OR4K2: variants seen among roughly 807,000 people sequenced by gnomAD.
The protein encoded by OR4K2 is olfactory receptor family 4 subfamily K member 2, also known as olfactory receptor 4K2.
In OR4K2, 8 loss-of-function variants were observed where a neutral mutation model predicts 10.5. The observed-to-expected ratio is 0.76, with a 90% CI of 0.45 to 1.37. OR4K2 has a LOEUF of 1.37. Ranked by LOEUF, OR4K2 falls within the 40% of genes most tolerant of loss-of-function variation. The pLI is 0.00. For missense variants in OR4K2, 547 were observed against 379.5 expected (o/e 1.44, Z -3.67); for synonymous variants, 178 against 133.6 (o/e 1.33, Z -2.29).
rs1013911118 is a variant in OR4K2 at position 19,878,424 on chromosome 14, A to G, written c.*1212A>G. The G allele has an allele frequency of 6.6e-6, 1 of 152,238 alleles. No individual in the cohort carries two copies. The highest frequency in any genetic ancestry group is 2.4e-5 in the African/African-American group (1 of 41,468). 9.4% of individuals were successfully genotyped at this position (152,238 alleles called of 1,614,324 possible). On this transcript the variant is annotated 3_prime_UTR_variant, in exon 2 of 2. Coordinates refer to ENST00000641885, the MANE Select transcript of OR4K2 (RefSeq NM_001005501.2). ...TCCACAAAGGGAAAGATATGTTGCA[A>G]CCACAGTATTTGATAATATCAAGTT... is the stretch of plus-strand genomic sequence containing the variant.
In OR4K2 at chr14:19,880,339, T is replaced by C. The variant is rs1012948245; in HGVS notation, c.*3127T>C. On this transcript the variant is annotated 3_prime_UTR_variant, in exon 2 of 2. Coordinates refer to ENST00000641885, the MANE Select transcript of OR4K2 (RefSeq NM_001005501.2). ...TCTTAGCCTCAGTTTCTACATATGTTAAAGGAGATAATAGTGGTCTCTACA... is the reference window on the plus strand; with the variant it reads ...TCTTAGCCTCAGTTTCTACATATGTCAAAGGAGATAATAGTGGTCTCTACA... 6.6e-6 allele frequency: 1 copy of C among 152,246 alleles called. No individual in the cohort carries two copies. Among genetic ancestry groups the C allele is most frequent in the Non-Finnish European group, 1.5e-5 (1 of 68,030 alleles). The allele number at this position is 152,246 out of a possible 1,614,324, so 9.4% of individuals were successfully genotyped here.
At position 19,882,243 on chromosome 14, in the gene OR4K2, T is replaced by C. The variant is rs1881055849; in HGVS notation, c.*5031T>C. Reference sequence around the variant, plus strand: ...TCATCTTGCTCACCAGCGGCAATTATATCAGTAGATCCCTCTGCCTCACTT... The same window carrying C: ...TCATCTTGCTCACCAGCGGCAATTACATCAGTAGATCCCTCTGCCTCACTT... On this transcript the variant is annotated 3_prime_UTR_variant, in exon 2 of 2. Transcript: ENST00000641885. 6.6e-6 allele frequency: 1 copy of C among 152,430 alleles called. No individual in the cohort carries two copies. The highest frequency in any genetic ancestry group is 1.5e-5 in the Non-Finnish European group (1 of 68,144). 9.4% of individuals were successfully genotyped at this position (152,430 alleles called of 1,614,324 possible). A position where few individuals can be genotyped will look rare whatever the true frequency, so the allele number is the denominator to read the frequency against.
At position 19,880,509 on chromosome 14, in the gene OR4K2, C is replaced by T. The variant is rs1050756761; in HGVS notation, c.*3297C>T. 17 of 152,200 alleles carry T rather than the reference C, an allele frequency of 1.1e-4. No individual in the cohort carries two copies. The highest frequency in any genetic ancestry group is 4.1e-4 in the African/African-American group (17 of 41,442). 9.4% of individuals were successfully genotyped at this position (152,200 alleles called of 1,614,324 possible). On this transcript the variant is annotated 3_prime_UTR_variant, in exon 2 of 2. Coordinates refer to ENST00000641885, the MANE Select transcript of OR4K2 (RefSeq NM_001005501.2). ...GATAGTCTCTTGAGCTAACACTTGACTTGTTTAATTTAAAAGGTAAATTTT... is the reference window on the plus strand; with the variant it reads ...GATAGTCTCTTGAGCTAACACTTGATTTGTTTAATTTAAAAGGTAAATTTT...
rs1260328075 is a variant in OR4K2, at chr14:19,877,259, T to C, written c.*47T>C. The C allele has an allele frequency of 2.3e-6, 3 of 1,326,618 alleles. No individual in the cohort carries two copies. Among genetic ancestry groups the C allele is most frequent in the Middle Eastern group, 1.9e-4 (1 of 5,236 alleles). The allele number at this position is 1,326,618 out of a possible 1,614,324, so 82.2% of individuals were successfully genotyped here. On this transcript the variant is annotated 3_prime_UTR_variant, in exon 2 of 2. Coordinates refer to ENST00000641885, the MANE Select transcript of OR4K2 (RefSeq NM_001005501.2). ...GACACAATGCTGTGTTAGGCTTTTC[T>C]TTCTAGAGGGTTCTTACCAAATTGT...
Position 19,875,144 on chromosome 14 carries a change from C to T in OR4K2, c.-1014C>T, listed in dbSNP as rs1396480318. 6.6e-6 allele frequency: 1 copy of T among 152,244 alleles called. No homozygotes were observed. The highest frequency in any genetic ancestry group is 1.5e-5 in the Non-Finnish European group (1 of 68,038). 9.4% of individuals were successfully genotyped at this position (152,244 alleles called of 1,614,324 possible). A position where few individuals can be genotyped will look rare whatever the true frequency, so the allele number is the denominator to read the frequency against. ...GTGATTTCTTGTTCAATTCCCATGT[C>T]CCTACAACATCCATTTTATCCACAG... On this transcript the variant is annotated 5_prime_UTR_variant, in exon 1 of 2. Coordinates refer to ENST00000641885, the MANE Select transcript of OR4K2 (RefSeq NM_001005501.2).
Position 19,881,011 on chromosome 14 carries a change from T to C in OR4K2, c.*3799T>C, listed in dbSNP as rs1168636884. 7.8e-6 allele frequency: 1 copy of C among 128,392 alleles called. No individual in the cohort carries two copies. Among genetic ancestry groups the C allele is most frequent in the South Asian group, 2.5e-4 (1 of 4,010 alleles). The allele number at this position is 128,392 out of a possible 1,614,324, so 8.0% of individuals were successfully genotyped here. A position where few individuals can be genotyped will look rare whatever the true frequency, so the allele number is the denominator to read the frequency against. ...GTTATTTGTGCATATCCAGACTCCT[T>C]ATGAAAGTATTTTCAAATTTAAAAA... On this transcript the variant is annotated 3_prime_UTR_variant, in exon 2 of 2. Transcript: ENST00000641885.
Position 19,876,811 on chromosome 14 carries a change from C to T in OR4K2, c.544C>T (p.Pro182Ser), listed in dbSNP as rs1166907277. 1 of 1,614,214 alleles carries T rather than the reference C, an allele frequency of 6.2e-7. No individual in the cohort carries two copies. The highest frequency in any genetic ancestry group is 2.2e-5 in the East Asian group (1 of 44,888). The change falls in exon 2 of 2, where the codon CCT becomes TCT. Residue 182 changes from proline to serine, a missense_variant. Coordinates refer to ENST00000641885, the MANE Select transcript of OR4K2 (RefSeq NM_001005501.2). ...YEVDSFFCDL[P>S]VVFQLACVDT... ...GGTAGACAGCTTTTTCTGTGACCTT[C>T]CTGTGGTGTTCCAGTTGGCTTGTGT...
Position 19,879,962 on chromosome 14 carries a change from A to C in OR4K2, c.*2750A>C, listed in dbSNP as rs1880998040. The C allele has an allele frequency of 6.6e-6, 1 of 152,266 alleles. No individual in the cohort carries two copies. The highest frequency in any genetic ancestry group is 2.4e-5 in the African/African-American group (1 of 41,464). 9.4% of individuals were successfully genotyped at this position (152,266 alleles called of 1,614,324 possible). ...TATAAGCTTTAAGCCTAGCTTGTCCAACCCATGACCTGCAGGTTGCATGCG... is the reference window on the plus strand; with the variant it reads ...TATAAGCTTTAAGCCTAGCTTGTCCCACCCATGACCTGCAGGTTGCATGCG... On this transcript the variant is annotated 3_prime_UTR_variant, in exon 2 of 2. Coordinates refer to ENST00000641885, the MANE Select transcript of OR4K2 (RefSeq NM_001005501.2).
At position 19,877,055 on chromosome 14, in the gene OR4K2, G is replaced by C. The variant is rs753660738; in HGVS notation, c.788G>C (p.Ser263Thr). 2 of 1,612,790 alleles carry C rather than the reference G, an allele frequency of 1.2e-6. No homozygotes were observed. Among genetic ancestry groups the C allele is most frequent in the Admixed American group, 3.3e-5 (2 of 60,012 alleles). The change falls in exon 2 of 2, where the codon AGC (serine) becomes ACC (threonine). Residue 263 changes from serine to threonine, a missense_variant. Transcript: ENST00000641885. Reference sequence around the variant, plus strand: ...ATCTTCATCTACATGTGGCCACTAAGCAGCTTTCTCACAGACAAGATTCTG... The same window carrying C: ...ATCTTCATCTACATGTGGCCACTAACCAGCTTTCTCACAGACAAGATTCTG... Reference protein sequence around the residue: ...PCIFIYMWPLSSFLTDKILSV... With the variant: ...PCIFIYMWPLTSFLTDKILSV...
rs997720747 is a variant in OR4K2 at position 19,878,489 on chromosome 14, T to A, written c.*1277T>A. On this transcript the variant is annotated 3_prime_UTR_variant, in exon 2 of 2. Transcript: ENST00000641885. Reference sequence around the variant, plus strand: ...TGATTGAGTAAATGGAGAAAACAAATGAAATGCATTAATTATCATTTATGA... The same window carrying A: ...TGATTGAGTAAATGGAGAAAACAAAAGAAATGCATTAATTATCATTTATGA... 1 of 152,200 alleles carries A rather than the reference T, an allele frequency of 6.6e-6. No individual in the cohort carries two copies. The highest frequency in any genetic ancestry group is 2.4e-5 in the African/African-American group (1 of 41,466). 9.4% of individuals were successfully genotyped at this position (152,200 alleles called of 1,614,324 possible).
In OR4K2 at chr14:19,877,009, T is replaced by G; in HGVS notation, c.742T>G (p.Phe248Val). The G allele has an allele frequency of 6.2e-7, 1 of 1,613,314 alleles. No homozygotes were observed. The highest frequency in any genetic ancestry group is 8.5e-7 in the Non-Finnish European group (1 of 1,179,938). Residue 248 changes from phenylalanine (F) to valine (V), a missense_variant, in exon 2 of 2, where the codon TTC becomes GTC. Physicochemically the swap from Phe to Val is conservative, Grantham distance 50. Transcript: ENST00000641885. Reference protein sequence around the residue: ...STCTAHFIVVFLFFGPCIFIY... With the variant: ...STCTAHFIVVVLFFGPCIFIY... ...TTGTACAGCTCATTTCATTGTTGTCTTCTTGTTCTTTGGGCCATGCATCTT... is the reference window on the plus strand; with the variant it reads ...TTGTACAGCTCATTTCATTGTTGTCGTCTTGTTCTTTGGGCCATGCATCTT...
chr14:19,876,756 C>T lies in OR4K2; in HGVS notation c.489C>T (p.Ala163=). 6 of 1,614,180 alleles carry T rather than the reference C, an allele frequency of 3.7e-6. No individual in the cohort carries two copies. Among genetic ancestry groups the T allele is most frequent in the Non-Finnish European group, 5.1e-6 (6 of 1,180,000 alleles). ...ATTCAATGAGTCAGGTCATATTTGCCCTCACGTTACCATTCTGTGGTCCCT... is the reference window on the plus strand; with the variant it reads ...ATTCAATGAGTCAGGTCATATTTGCTCTCACGTTACCATTCTGTGGTCCCT... ...VMHSMSQVIF[A]LTLPFCGPYE... Residue 163 remains alanine (A), a synonymous_variant, in exon 2 of 2, where the codon GCC becomes GCT. Coordinates refer to ENST00000641885, the MANE Select transcript of OR4K2 (RefSeq NM_001005501.2).
At position 19,877,404 on chromosome 14, in the gene OR4K2, A is replaced by G; in HGVS notation, c.*192A>G. 1 of 507,618 alleles carries G rather than the reference A, an allele frequency of 2.0e-6. No individual in the cohort carries two copies. The highest frequency in any genetic ancestry group is 3.5e-6 in the Non-Finnish European group (1 of 288,724). 31.4% of individuals were successfully genotyped at this position (507,618 alleles called of 1,614,324 possible). Reference sequence around the variant, plus strand: ...AAGCAAGTTAAAAGAAATAAAGACTATAAAAATGTCAGGAGTGACAGTTCC... The same window carrying G: ...AAGCAAGTTAAAAGAAATAAAGACTGTAAAAATGTCAGGAGTGACAGTTCC... On this transcript the variant is annotated 3_prime_UTR_variant, in exon 2 of 2. Transcript: ENST00000641885.
chr14:19,877,289 G>T lies in OR4K2; in HGVS notation c.*77G>T, dbSNP rs1880934504. The T allele has an allele frequency of 3.8e-6, 4 of 1,054,120 alleles. No individual in the cohort carries two copies. In the South Asian group the frequency reaches 6.3e-5, roughly 17 times the overall value. The allele number at this position is 1,054,120 out of a possible 1,614,324, so 65.3% of individuals were successfully genotyped here. On this transcript the variant is annotated 3_prime_UTR_variant, in exon 2 of 2. Coordinates refer to ENST00000641885, the MANE Select transcript of OR4K2 (RefSeq NM_001005501.2). ...AGAGGGTTCTTACCAAATTGTAATT[G>T]CCAAGAATTTGTGAGGGCTCAAGTT...
chr14:19,880,051 G>T lies in OR4K2; in HGVS notation c.*2839G>T, dbSNP rs1881000018. 1 of 152,468 alleles carries T rather than the reference G, an allele frequency of 6.6e-6. No homozygotes were observed. Among genetic ancestry groups the T allele is most frequent in the African/African-American group, 2.4e-5 (1 of 41,448 alleles). 9.4% of individuals were successfully genotyped at this position (152,468 alleles called of 1,614,324 possible). ...CATAAGCTTTCTTGAAACATTATAA[G>T]ATTTTCTTGTGATTTTTTTGTAAAG... On this transcript the variant is annotated 3_prime_UTR_variant, in exon 2 of 2. Transcript: ENST00000641885.
Position 19,879,764 on chromosome 14 carries a change from A to G in OR4K2, c.*2552A>G, listed in dbSNP as rs889990153. The G allele has an allele frequency of 3.3e-5, 5 of 152,222 alleles. No individual in the cohort carries two copies. The highest frequency in any genetic ancestry group is 4.8e-5 in the African/African-American group (2 of 41,454). 9.4% of individuals were successfully genotyped at this position (152,222 alleles called of 1,614,324 possible). On this transcript the variant is annotated 3_prime_UTR_variant, in exon 2 of 2. Coordinates refer to ENST00000641885, the MANE Select transcript of OR4K2 (RefSeq NM_001005501.2). ...TTTGTTTCTAAAAATGCTTAAGAAA[A>G]CTTTTAGAATACTATATGGTATAAT...
In OR4K2 at chr14:19,876,214, C is replaced by CTTTTTTTTTTTTTTTTTTTTTTTTTT; in HGVS notation, c.-23-11_-23-10insTTTTTTTTTTTTTTTTTTTTTTTTTT. 3.5e-6 allele frequency: 2 copies of CTTTTTTTTTTTTTTTTTTTTTTTTTT among 575,012 alleles called. 1 individual carries two copies. The allele number at this position is 575,012 out of a possible 1,614,324, so 35.6% of individuals were successfully genotyped here. Reference sequence around the variant, plus strand: ...TTTGCTTCTATTGAATCTGACTTTCCTTTTTTTTTTTTTTTTTTTTCGTGA... The same window carrying CTTTTTTTTTTTTTTTTTTTTTTTTTT: ...TTTGCTTCTATTGAATCTGACTTTCCTTTTTTTTTTTTTTTTTTTTTTTTTTTTTTTTTTTTTTTTTTTTTTCGTGA... On this transcript the variant is annotated intron_variant, in intron 1 of 1. Coordinates refer to ENST00000641885, the MANE Select transcript of OR4K2 (RefSeq NM_001005501.2).
Position 19,877,103 on chromosome 14 carries a change from C to T in OR4K2, c.836C>T (p.Thr279Ile). Residue 279 changes from threonine to isoleucine, a missense_variant, in exon 2 of 2, where the codon ACT (threonine) becomes ATT (isoleucine). Physicochemically the swap from Thr to Ile is moderately conservative, Grantham distance 89. Transcript: ENST00000641885. ...CTGTCTGTGTTTTATACCATCTTTA[C>T]TCCCACTCTGAACCCAATAATCTAT... ...KILSVFYTIF[T>I]PTLNPIIYTL... The T allele has an allele frequency of 6.2e-7, 1 of 1,608,640 alleles. No individual in the cohort carries two copies. The highest frequency in any genetic ancestry group is 8.5e-7 in the Non-Finnish European group (1 of 1,179,812).
At position 19,875,946 on chromosome 14, in the gene OR4K2, A is replaced by C. The variant is rs890052064; in HGVS notation, c.-212A>C. On this transcript the variant is annotated 5_prime_UTR_variant, in exon 1 of 2. Coordinates refer to ENST00000641885, the MANE Select transcript of OR4K2 (RefSeq NM_001005501.2). The stretch of plus-strand genomic sequence containing the variant: ...TATCGTTAGACTTACACAGATGAAT[A>C]GATGGACAAATAGGTAGGTATGTCT... 6.6e-6 allele frequency: 2 copies of C among 301,520 alleles called. No homozygotes were observed. Among genetic ancestry groups the C allele is most frequent in the African/African-American group, 2.2e-5 (1 of 44,642 alleles). The allele number at this position is 301,520 out of a possible 1,614,324, so 18.7% of individuals were successfully genotyped here. A position where few individuals can be genotyped will look rare whatever the true frequency, so the allele number is the denominator to read the frequency against.
Sources: allele counts gnomAD v4.1 joint callset, GRCh38; gene constraint gnomAD v4.1.1; transcripts MANE v1.5; gene names NCBI Gene and HGNC (gene_info 2026-07-23, HGNC 2026-07-21).